Variants in OSBPL2 observed in about 807,000 individuals in gnomAD.
OSBPL2 encodes oxysterol binding protein like 2, also known as oxysterol-binding protein-related protein 2.
In OSBPL2, 18 loss-of-function variants were observed where a neutral mutation model predicts 58.4. That is an observed-to-expected ratio of 0.31 (90% CI 0.21 to 0.46). OSBPL2 has a LOEUF of 0.46. Among genes scored for constraint, OSBPL2 ranks in the 20% least tolerant of loss-of-function variants. The probability of loss-of-function intolerance (pLI) is 1.00; values close to 1 mark genes in which losing one functional copy is unlikely to be tolerated. For missense variants in OSBPL2, 461 were observed against 616.5 expected, an observed-to-expected ratio of 0.75 and a Z score of 2.67; for synonymous variants, 221 against 234.1, an observed-to-expected ratio of 0.94 and a Z score of 0.51.
chr20:62,293,186 T>TA (rs61708520), intron 13 of OSBPL2, among the ~76,000 whole-genome samples: 75,488 of 151,328 alleles, frequency 0.5, 19,562 homozygotes, highest in South Asian at 0.63. Flanking sequence ...TTTAAAGTGT[T>TA]AAAAAAAATA....
chr20:62,274,425 C>T (rs577459412), intron 6 of OSBPL2, among the ~76,000 whole-genome samples: 12 of 152,308 alleles, frequency 7.9e-5, no homozygotes, highest in Admixed American at 7.2e-4. Flanking sequence ...TATTCCACTG[C>T]CCGTGGACCC....
chr20:62,285,113 T>C (rs1983028298), intron 10 of OSBPL2: 1 of 152,242 alleles, frequency 6.6e-6, no homozygotes, highest in Admixed American at 6.5e-5. Flanking sequence ...AATATTTATT[T>C]AACGGAAACA....
chr20:62,286,343 G>A (rs1323055049), intron 10 of OSBPL2: 5 of 373,038 alleles, frequency 1.3e-5, no homozygotes, highest in South Asian at 3.3e-5. Flanking sequence ...CCAGCTACTC[G>A]GGAGGCTGAG....
rs1461624540 is a variant in OSBPL2, at chr20:62,251,091, T to G, written c.-128-4966T>G. On this transcript the variant is annotated intron_variant, in intron 1 of 13. Transcript: ENST00000313733. ...CGGAGTCTCACTCTGTTGCCCAGGC[T>G]GGAGTGCAGTGGTGCGATCTCGGCT... Among the ~76,000 whole-genome samples the G allele has an allele frequency of 3.6e-5, 5 of 140,810 alleles. No individual in the cohort carries two copies. In the East Asian group the frequency reaches 1.1e-3, roughly 30 times the overall value. The allele number at this position is 140,810 out of a possible 152,430, so 92.4% of individuals were successfully genotyped here.
Position 62,295,425 on chromosome 20 carries a change from G to T in OSBPL2, c.*1538G>T, listed in dbSNP as rs1249625571. ...TCTGAGTGACAGGTGCCACCTGCGT[G>T]TGTCTTGGCGTCCACATCACACCTG... On this transcript the variant is annotated 3_prime_UTR_variant, in exon 14 of 14. Coordinates refer to ENST00000313733, the MANE Select transcript of OSBPL2 (RefSeq NM_144498.4). The surrounding 1 kb of genome is among the most constrained non-coding windows in gnomAD (Gnocchi z 4.8). The T allele has an allele frequency of 6.6e-6, 1 of 152,246 alleles. No homozygotes were observed. Among genetic ancestry groups the T allele is most frequent in the Non-Finnish European group, 1.5e-5 (1 of 68,052 alleles). The allele number at this position is 152,246 out of a possible 1,614,324, so 9.4% of individuals were successfully genotyped here. A position where few individuals can be genotyped will look rare whatever the true frequency, so the allele number is the denominator to read the frequency against.
intron 7 of OSBPL2, 71 bp from the exon 8 acceptor site, chr20:62,280,987 G>A (rs556622139): frequency 8.0e-6 from 10 of 1,242,258 alleles, no homozygotes; most frequent in Non-Finnish European, 1.2e-5. Flanking sequence ...CCGCCTGGTC[G>A]TTGCGTCTTG....
At position 62,279,136 on chromosome 20, in the gene OSBPL2, CT is replaced by C; in HGVS notation, c.492-15del. On this transcript the variant is annotated intron_variant, in intron 6 of 13. Coordinates refer to ENST00000313733, the MANE Select transcript of OSBPL2 (RefSeq NM_144498.4). ...ATTTTGCTGCCATTAATGTGTCTCT[CT>C]TTTTTATTCTTTGACCTAGGGAAGA... The C allele has an allele frequency of 6.3e-7, 1 of 1,591,838 alleles. No homozygotes were observed. The highest frequency in any genetic ancestry group is 8.6e-7 in the Non-Finnish European group (1 of 1,165,422).
chr20:62,274,903 A>G (rs1982291115), intron 6 of OSBPL2, among the ~76,000 whole-genome samples: 1 of 152,254 alleles, frequency 6.6e-6, no homozygotes, highest in Non-Finnish European at 1.5e-5. Flanking sequence ...AGCCAAAACA[A>G]TTAGCCTCTT....
chr20:62,265,199 T>C (rs927607991), intron 4 of OSBPL2, among the ~76,000 whole-genome samples: 4 of 152,254 alleles, frequency 2.6e-5, no homozygotes, highest in Admixed American at 2.6e-4. Flanking sequence ...GGAATTGTTC[T>C]GTAAAGGAGA....
chr20:62,264,656 G>C (rs958469775), intron 4 of OSBPL2: 11 of 152,242 alleles, frequency 7.2e-5, no homozygotes, highest in Middle Eastern at 3.4e-3. Flanking sequence ...AAATAGCACA[G>C]AGCATTCCTG....
chr20:62,286,794 C>T (rs2145974752), intron 11 of OSBPL2, 83 bp downstream of exon 11: 2 of 1,476,408 alleles, frequency 1.4e-6, no homozygotes, highest in Non-Finnish European at 1.8e-6. Flanking sequence ...TCTTCCCTGT[C>T]CTTGGGCCCT....
At chr20:62,277,523 C>T (rs936637167) in intron 6 of OSBPL2, among the ~76,000 whole-genome samples, 1 of 152,212 alleles carries the variant, frequency 6.6e-6, no homozygotes, top group Admixed American at 6.5e-5. Flanking sequence ...TGCTGTGTGT[C>T]TGTGAGACCC....
rs1982474750 is a variant in OSBPL2 at position 62,277,687 on chromosome 20, T to TA, written c.492-1466dup. ...TTACATACCTTGGTAGTCAACCTTT[T>TA]AAAATCTAATTTTTCAACTTTCTTT... On this transcript the variant is annotated intron_variant, in intron 6 of 13. Coordinates refer to ENST00000313733, the MANE Select transcript of OSBPL2 (RefSeq NM_144498.4). Among the ~76,000 whole-genome samples the TA allele has an allele frequency of 2.0e-5, 3 of 152,384 alleles. No individual in the cohort carries two copies. The South Asian group carries it at 6.2e-4, about 32-fold the overall frequency.
chr20:62,279,881 C>G (rs760604851), intron 7 of OSBPL2: 34 of 1,160,804 alleles, frequency 2.9e-5, no homozygotes, highest in Non-Finnish European at 9.0e-6. Flanking sequence ...CCTTTGCACA[C>G]TCCCCCACCC....
At chr20:62,290,165 A>G (rs1369468083) in intron 12 of OSBPL2, among the ~76,000 whole-genome samples, 1 of 152,156 alleles carries the variant, frequency 6.6e-6, no homozygotes, top group African/African-American at 2.4e-5. Flanking sequence ...ACTCATCTAG[A>G]TGGAATCCGC....
chr20:62,258,757 TG>T (rs1981103508), intron 2 of OSBPL2, among the ~76,000 whole-genome samples: 1 of 150,960 alleles, frequency 6.6e-6, no homozygotes, highest in African/African-American at 2.5e-5. Context: ...TTCTTCGGGG[TG>T]GGGGCAGGTC....
chr20:62,268,638 C>T (rs992099407), intron 4 of OSBPL2, among the ~76,000 whole-genome samples: 7 of 152,158 alleles, frequency 4.6e-5, no homozygotes, highest in African/African-American at 1.7e-4. Flanking sequence ...CTTGCTGTGT[C>T]GCCCAGTCTG....
intron 3 of OSBPL2, 49 bp downstream of exon 3, chr20:62,260,174 C>T (rs1273043132): frequency 6.4e-7 from 1 of 1,568,982 alleles, no homozygotes; most frequent in Admixed American, 1.7e-5. Flanking sequence ...GTAATCACCC[C>T]AAAAATACTC....
At chr20:62,290,094 C>A (rs747597914) in intron 12 of OSBPL2, among the ~76,000 whole-genome samples, 1 of 152,210 alleles carries the variant, frequency 6.6e-6, no homozygotes, top group Non-Finnish European at 1.5e-5. Flanking sequence ...CACACTCTCC[C>A]GGTGGGCTCT....
Sources: allele counts gnomAD v4.1 joint callset (sites outside exome capture counted in the v4.1 genomes callset), GRCh38; gene constraint gnomAD v4.1.1; non-coding constraint Gnocchi (gnomAD v3.1); transcripts MANE v1.5; gene names NCBI Gene and HGNC (gene_info 2026-07-23, HGNC 2026-07-21).